WDR7: variants seen among roughly 807,000 people sequenced by gnomAD.
WDR7 encodes the protein WD repeat-containing protein 7.
Under a neutral mutation model 169.4 loss-of-function variants are expected in WDR7, and 46 were observed. That is an observed-to-expected ratio of 0.27 (90% confidence interval 0.21 to 0.35). WDR7 has a LOEUF of 0.35. Among genes scored for constraint, WDR7 ranks in the 10% least tolerant of loss-of-function variants. The pLI, the probability that WDR7 is intolerant of heterozygous loss-of-function variation, is 1.00. For missense variants in WDR7, 1,534 were observed against 1,859.3 expected, an observed-to-expected ratio of 0.83 and a Z score of 3.22; for synonymous variants, 612 against 666.8, an observed-to-expected ratio of 0.92 and a Z score of 1.27.
At chr18:56,760,977 A>G (rs962842996) in intron 16 of WDR7, among the ~76,000 whole-genome samples, 2 of 152,140 alleles carry the variant, frequency 1.3e-5, no homozygotes, top group African/African-American at 4.8e-5. Context: ...AACACATTTT[A>G]TATGTTGATT....
At chr18:56,717,211 A>G (rs1375002787) in intron 12 of WDR7, among the ~76,000 whole-genome samples, 1 of 152,220 alleles carries the variant, frequency 6.6e-6, no homozygotes, top group Admixed American at 6.5e-5. Context: ...ATTGTTTTAT[A>G]GAAATCTAGA....
chr18:56,756,712 G>A lies in WDR7; in HGVS notation c.2119G>A (p.Ala707Thr). ...ALIIQLLTEE[A>T]SRPNTALISP... ...GATTATTCAACTCCTGACTGAAGAA[G>A]CCTCTAGGCCGAATACTGCTCTTAT... is the stretch of plus-strand genomic sequence containing the variant. Residue 707 changes from alanine to threonine, a missense_variant, in exon 15 of 28, where the codon GCC becomes ACC. Transcript: ENST00000254442. The A allele has an allele frequency of 1.2e-6, 2 of 1,614,098 alleles. No individual in the cohort carries two copies. Among genetic ancestry groups the A allele is most frequent in the Non-Finnish European group, 1.7e-6 (2 of 1,180,006 alleles).
At chr18:56,702,840 T>G in intron 12 of WDR7, among the ~76,000 whole-genome samples, 1 of 152,188 alleles carries the variant, frequency 6.6e-6, no homozygotes, top group East Asian at 1.9e-4. Context: ...ACTTTTAGTA[T>G]TATAGCTATT....
intron 22 of WDR7, among the ~76,000 whole-genome samples, chr18:56,932,992 G>A (rs963716930): frequency 3.3e-5 from 5 of 152,094 alleles, no homozygotes; most frequent in Non-Finnish European, 7.3e-5. Context: ...GAACTTAGAG[G>A]TAATGGTGAG....
intron 1 of WDR7, among the ~76,000 whole-genome samples, chr18:56,656,770 G>A (rs1401821771): frequency 1.2e-4 from 18 of 152,016 alleles, no homozygotes; most frequent in Non-Finnish European, 1.5e-5. Flanking sequence ...GAGTTAGTTT[G>A]AGTTTCTAAA....
intron 25 of WDR7, among the ~76,000 whole-genome samples, chr18:56,953,757 A>G (rs2047213649): frequency 6.6e-6 from 1 of 152,248 alleles, no homozygotes; most frequent in Non-Finnish European, 1.5e-5. Flanking sequence ...AACTGGTAGT[A>G]TTTTTAGCAG....
chr18:56,998,739 G>A (rs1459152607), intron 26 of WDR7, among the ~76,000 whole-genome samples: 1 of 152,182 alleles, frequency 6.6e-6, no homozygotes, highest in African/African-American at 2.4e-5. Context: ...TACATAGAAT[G>A]TCATCTTTCT....
chr18:56,946,048 A>G (rs1345930424), intron 25 of WDR7, among the ~76,000 whole-genome samples: 1 of 152,176 alleles, frequency 6.6e-6, no homozygotes, highest in Non-Finnish European at 1.5e-5. Flanking sequence ...TTTAAGTGCA[A>G]ACTTTCATTA....
At chr18:57,019,015 C>T (rs1006667518) in intron 26 of WDR7, among the ~76,000 whole-genome samples, 1 of 152,098 alleles carries the variant, frequency 6.6e-6, no homozygotes, top group Non-Finnish European at 1.5e-5. Flanking sequence ...TAAATTAGTA[C>T]ATTTATGGGC....
At chr18:56,693,051 C>CTCCA (rs2025612080) in intron 9 of WDR7, among the ~76,000 whole-genome samples, 1 of 151,960 alleles carries the variant, frequency 6.6e-6, no homozygotes, top group Non-Finnish European at 1.5e-5. Flanking sequence ...GGCAACATGG[C>CTCCA]GAGACCCTGT....
At chr18:56,671,137 A>C (rs964168069) in intron 1 of WDR7, among the ~76,000 whole-genome samples, 1 of 152,142 alleles carries the variant, frequency 6.6e-6, no homozygotes, top group Admixed American at 6.5e-5. Context: ...CCTTCACCAG[A>C]AGCTACATTT....
At chr18:56,995,139 A>G (rs1382824655) in intron 26 of WDR7, among the ~76,000 whole-genome samples, 1 of 152,202 alleles carries the variant, frequency 6.6e-6, no homozygotes, top group African/African-American at 2.4e-5. Context: ...AAATTCTGAA[A>G]GGGGTTACTG....
chr18:56,692,335 T>C (rs572031388), intron 9 of WDR7, among the ~76,000 whole-genome samples: 1 of 152,272 alleles, frequency 6.6e-6, no homozygotes, highest in East Asian at 1.9e-4. Context: ...AAAACGTGCT[T>C]AATATCCACT....
At chr18:56,969,547 T>G (rs1323934060) in intron 26 of WDR7, among the ~76,000 whole-genome samples, 2 of 152,206 alleles carry the variant, frequency 1.3e-5, no homozygotes, top group African/African-American at 4.8e-5. Flanking sequence ...ACATTTATCT[T>G]TATATTATAT....
chr18:56,964,684 A>T (rs2047382866), intron 26 of WDR7, among the ~76,000 whole-genome samples: 1 of 152,102 alleles, frequency 6.6e-6, no homozygotes, highest in African/African-American at 2.4e-5. Flanking sequence ...CACTGCATCC[A>T]GCCTATTTAG....
chr18:56,731,408 G>A lies in WDR7; in HGVS notation c.1800G>A (p.Gly600=). ...GTGCATTGGATCGTTGTGTGATGGG[G>A]ATAACAGCAGTTGAGATTCTAAACG... ...DTGALDRCVM[G]ITAVEILNAC... is the part of the protein sequence containing the mutation. Residue 600 remains glycine (G), a synonymous_variant, in exon 14 of 28, where the codon GGG becomes GGA. Transcript: ENST00000254442. 6.2e-7 allele frequency: 1 copy of A among 1,614,130 alleles called. No homozygotes were observed. The highest frequency in any genetic ancestry group is 8.5e-7 in the Non-Finnish European group (1 of 1,180,020).
At chr18:57,002,981 C>A (rs1473658507) in intron 26 of WDR7, among the ~76,000 whole-genome samples, 1 of 152,134 alleles carries the variant, frequency 6.6e-6, no homozygotes, top group Non-Finnish European at 1.5e-5. Context: ...ATAATCAGTG[C>A]AAAGATGCCT....
chr18:56,751,102 G>C (rs17090342), intron 14 of WDR7, among the ~76,000 whole-genome samples: 1,646 of 151,684 alleles, frequency 0.011, 33 homozygotes, highest in African/African-American at 0.038. Flanking sequence ...GTTAGCTATA[G>C]TTTTTGCTAC....
At chr18:56,780,248 T>A (rs143862735) in intron 18 of WDR7, among the ~76,000 whole-genome samples, 1 of 152,062 alleles carries the variant, frequency 6.6e-6, no homozygotes, top group African/African-American at 2.4e-5. Flanking sequence ...ACCAAGCACT[T>A]GAAAATGTTT....
Sources: gnomAD v4.1 joint callset for allele counts (sites outside exome capture counted in the v4.1 genomes callset) on GRCh38, gnomAD v4.1.1 for gene constraint, MANE v1.5 for transcripts, NCBI Gene and HGNC (gene_info 2026-07-23, HGNC 2026-07-21) for gene names.